SLC4A4: variants seen among roughly 807,000 people sequenced by gnomAD.
SLC4A4 encodes the protein solute carrier family 4 member 4.
SLC4A4 carries 27 observed loss-of-function variants against 111.5 expected under a neutral mutation model. That is an observed-to-expected ratio of 0.24 (90% confidence interval 0.18 to 0.33). SLC4A4 has a LOEUF of 0.33. SLC4A4 is among the 10% of genes least tolerant of loss of function. SLC4A4 has a pLI of 1.00. For missense variants in SLC4A4, 909 were observed against 1,315.5 expected, an observed-to-expected ratio of 0.69 and a Z score of 4.78; for synonymous variants, 443 against 463.4, an observed-to-expected ratio of 0.96 and a Z score of 0.57.
intron 6 of SLC4A4, among the ~76,000 whole-genome samples, chr4:71,363,296 T>C (rs1031515890): frequency 6.6e-6 from 1 of 152,236 alleles, no homozygotes; most frequent in Non-Finnish European, 1.5e-5. Context: ...GCATTGGATC[T>C]GATTTGAGAT....
intron 16 of SLC4A4, among the ~76,000 whole-genome samples, chr4:71,507,067 C>T (rs1157727954): frequency 6.6e-6 from 1 of 152,092 alleles, no homozygotes; most frequent in African/African-American, 2.4e-5. Flanking sequence ...CATGACCAGA[C>T]CTGCTTTACA....
chr4:71,090,390 T>A (rs2148940347), intron 1 of SLC4A4, among the ~76,000 whole-genome samples: 1 of 152,290 alleles, frequency 6.6e-6, no homozygotes, highest in African/African-American at 2.4e-5. Context: ...CTCGGTGCAC[T>A]GCACCCACTG....
chr4:71,409,135 G>C (rs779814351), intron 7 of SLC4A4, among the ~76,000 whole-genome samples: 5 of 152,170 alleles, frequency 3.3e-5, no homozygotes, highest in Non-Finnish European at 7.3e-5. Context: ...TCTTGGGTAT[G>C]TCTTTATCAG....
chr4:71,312,505 T>C (rs902803476), intron 3 of SLC4A4, among the ~76,000 whole-genome samples: 2 of 152,212 alleles, frequency 1.3e-5, no homozygotes, highest in African/African-American at 4.8e-5. Flanking sequence ...CTGATGAACA[T>C]TGAGGTGAAA....
chr4:71,273,188 A>C (rs1012361879), intron 3 of SLC4A4, among the ~76,000 whole-genome samples: 2 of 152,164 alleles, frequency 1.3e-5, no homozygotes, highest in African/African-American at 4.8e-5. Context: ...TGAGTAATGC[A>C]CCCAAGGGCA....
At chr4:71,338,290 G>A (rs1029763498) in intron 3 of SLC4A4, among the ~76,000 whole-genome samples, 1 of 152,074 alleles carries the variant, frequency 6.6e-6, no homozygotes, top group Non-Finnish European at 1.5e-5. Flanking sequence ...TCAGATGGTA[G>A]GGATTTTTGG....
intron 7 of SLC4A4, among the ~76,000 whole-genome samples, chr4:71,431,291 G>A (rs542522953): frequency 6.6e-6 from 1 of 152,090 alleles, no homozygotes; most frequent in African/African-American, 2.4e-5. Flanking sequence ...GTGGGGAGAA[G>A]GGAGTTAAAA....
chr4:71,267,189 A>G (rs987134937), intron 3 of SLC4A4, among the ~76,000 whole-genome samples: 11 of 152,196 alleles, frequency 7.2e-5, no homozygotes, highest in African/African-American at 2.2e-4. Context: ...AAATACCCAT[A>G]CAAAAAAATG....
chr4:71,077,531 G>C (rs780206170), intron 1 of SLC4A4, among the ~76,000 whole-genome samples: 3 of 152,132 alleles, frequency 2.0e-5, no homozygotes, highest in Non-Finnish European at 4.4e-5. Flanking sequence ...GGTAGACAAA[G>C]ATAAAGACCC....
chr4:71,346,453 A>G (rs1729336468), intron 4 of SLC4A4, among the ~76,000 whole-genome samples: 1 of 134,954 alleles, frequency 7.4e-6, no homozygotes, highest in Admixed American at 7.5e-5. Flanking sequence ...ATACTATTGC[A>G]AATATGTAGT....
chr4:71,392,704 A>G (rs934683051), intron 6 of SLC4A4, among the ~76,000 whole-genome samples: 1 of 152,152 alleles, frequency 6.6e-6, no homozygotes, highest in African/African-American at 2.4e-5. Flanking sequence ...AGGAAAGGAC[A>G]TAATCAAAAA....
chr4:71,331,230 G>A (rs1481128384), intron 3 of SLC4A4, among the ~76,000 whole-genome samples: 1 of 152,032 alleles, frequency 6.6e-6, no homozygotes, highest in Non-Finnish European at 1.5e-5. Context: ...CCCATTACTG[G>A]GTATATACCC....
intron 3 of SLC4A4, among the ~76,000 whole-genome samples, chr4:71,306,677 G>A (rs1725713503): frequency 6.6e-6 from 1 of 152,194 alleles, no homozygotes; most frequent in African/African-American, 2.4e-5. Flanking sequence ...ACTAAGGATA[G>A]TAATTGCATA....
At chr4:71,172,546 G>A (rs1185896095) in intron 2 of SLC4A4, among the ~76,000 whole-genome samples, 2 of 152,210 alleles carry the variant, frequency 1.3e-5, no homozygotes, top group African/African-American at 2.4e-5. Flanking sequence ...GAGCCACCGT[G>A]CCTGGCCTAG....
In SLC4A4 at chr4:71,212,209, T is replaced by A. The variant is rs1718177877; in HGVS notation, c.-1-24367T>A. Among the ~76,000 whole-genome samples the A allele has an allele frequency of 2.0e-5, 3 of 152,220 alleles. No individual in the cohort carries two copies. The South Asian group carries it at 6.2e-4, about 32-fold the overall frequency. ...CTAATTTTCCCCTAAAATTTTGAGT[T>A]CTTTATCTCTATTGTTACTATTCTG... On this transcript the variant is annotated intron_variant, in intron 1 of 25. Transcript: ENST00000264485.
chr4:71,176,642 A>G (rs538451489), intron 2 of SLC4A4, among the ~76,000 whole-genome samples: 2 of 152,358 alleles, frequency 1.3e-5, no homozygotes, highest in East Asian at 1.9e-4. Context: ...AAGAATAAAA[A>G]GAAATGAACA....
intron 8 of SLC4A4, 124 bp downstream of exon 8, chr4:71,440,897 A>T: frequency 9.2e-7 from 1 of 1,085,300 alleles, no homozygotes; most frequent in East Asian, 2.4e-5. Flanking sequence ...TTTAACTTGA[A>T]ATAATGACTG....
In SLC4A4 at chr4:71,135,299, T is replaced by TC. The variant is rs897226306; in HGVS notation, c.-2+42507_-2+42508insC. On this transcript the variant is annotated intron_variant, in intron 2 of 26. Transcript: ENST00000649996. ...TGTGGTAAGAACACAATCTACTCTT[T>TC]TTTTTTTTTTTTTTGAGACAGAGTC... Among the ~76,000 whole-genome samples the TC allele has an allele frequency of 5.9e-5, 8 of 134,782 alleles. No homozygotes were observed. The South Asian group carries it at 1.6e-3, about 26-fold the overall frequency. 88.4% of individuals were successfully genotyped at this position (134,782 alleles called of 152,430 possible).
At chr4:71,451,763 C>T (rs1289229860) in intron 11 of SLC4A4, among the ~76,000 whole-genome samples, 1 of 151,936 alleles carries the variant, frequency 6.6e-6, no homozygotes, top group Non-Finnish European at 1.5e-5. Flanking sequence ...TCAAAGCCAG[C>T]AAGACTAGAG....
Sources: gnomAD v4.1 joint callset for allele counts (sites outside exome capture counted in the v4.1 genomes callset) on GRCh38, gnomAD v4.1.1 for gene constraint, MANE v1.5 for transcripts, NCBI Gene and HGNC (gene_info 2026-07-23, HGNC 2026-07-21) for gene names.